Variants in ABI3BP observed in about 807,000 individuals in gnomAD.
The protein encoded by ABI3BP is target of Nesh-SH3.
In ABI3BP, 216 loss-of-function variants were observed where a neutral mutation model predicts 268.6. The observed-to-expected ratio is 0.80, with a 90% CI of 0.72 to 0.90. ABI3BP has a LOEUF of 0.90. ABI3BP is among the 40% of genes least tolerant of loss of function. ABI3BP has a pLI of 0.00. For missense variants in ABI3BP, 2,090 were observed against 2,182.4 expected, an observed-to-expected ratio of 0.96 and a Z score of 0.84; for synonymous variants, 730 against 730.0, an observed-to-expected ratio of 1.00 and a Z score of 0.00.
intron 45 of ABI3BP, 73 bp from the exon 46 acceptor site, chr3:100,812,596 A>G: frequency 1.0e-6 from 1 of 984,882 alleles, no homozygotes; most frequent in Non-Finnish European, 1.3e-6. Context: ...CTTTGCATCC[A>G]GTAAGTGTTC....
chr3:100,983,472 GT>G (rs2090525587), intron 1 of ABI3BP, among the ~76,000 whole-genome samples: 1 of 152,126 alleles, frequency 6.6e-6, no homozygotes, highest in East Asian at 1.9e-4. Flanking sequence ...GAGGTGCTTT[GT>G]TTTTCTTAAC....
At chr3:100,830,162 TATAA>T (rs2098467237) in intron 32 of ABI3BP, among the ~76,000 whole-genome samples, 2 of 89,716 alleles carry the variant, frequency 2.2e-5, no homozygotes, top group African/African-American at 4.4e-5. Context: ...TATATATATA[TATAA>T]AATGCAGATA....
intron 12 of ABI3BP, 47 bp from the exon 13 acceptor site, chr3:100,862,956 C>T (rs942968876): frequency 1.4e-6 from 2 of 1,388,972 alleles, no homozygotes; most frequent in African/African-American, 1.5e-5. Flanking sequence ...GTGAAAGTAA[C>T]AGGAAAGATT....
chr3:100,795,437 T>C (rs2097316868), intron 53 of ABI3BP, among the ~76,000 whole-genome samples: 1 of 152,090 alleles, frequency 6.6e-6, no homozygotes, highest in Non-Finnish European at 1.5e-5. Context: ...TGACCAATAT[T>C]GATAATTACT....
At chr3:100,935,819 A>G (rs2065873566) in intron 1 of ABI3BP, among the ~76,000 whole-genome samples, 1 of 152,146 alleles carries the variant, frequency 6.6e-6, no homozygotes, top group African/African-American at 2.4e-5. Context: ...ATTTTTGCAC[A>G]TTGATTTTGT....
intron 33 of ABI3BP, among the ~76,000 whole-genome samples, chr3:100,828,909 T>C (rs1169313888): frequency 6.6e-6 from 1 of 151,970 alleles, no homozygotes; most frequent in Non-Finnish European, 1.5e-5. Context: ...TGCAGATGAT[T>C]CCTACCTAAA....
At chr3:100,855,551 G>A (rs1271708373) in intron 14 of ABI3BP, among the ~76,000 whole-genome samples, 1 of 152,214 alleles carries the variant, frequency 6.6e-6, no homozygotes, top group Non-Finnish European at 1.5e-5. Context: ...TCTGCAAGAT[G>A]TCCATTACAA....
chr3:100,958,452 C>A (rs984206894), intron 1 of ABI3BP, among the ~76,000 whole-genome samples: 1 of 152,112 alleles, frequency 6.6e-6, no homozygotes, highest in Non-Finnish European at 1.5e-5. Flanking sequence ...TGATAAATAT[C>A]CTGTAATGTA....
intron 1 of ABI3BP, among the ~76,000 whole-genome samples, chr3:100,936,457 C>A (rs1160932986): frequency 1.3e-5 from 2 of 152,012 alleles, no homozygotes; most frequent in Non-Finnish European, 2.9e-5. Flanking sequence ...TGTGTCTCTG[C>A]CAGGTTTTGG....
At chr3:100,915,643 T>C (rs2058361070) in intron 2 of ABI3BP, among the ~76,000 whole-genome samples, 1 of 152,212 alleles carries the variant, frequency 6.6e-6, no homozygotes, top group Non-Finnish European at 1.5e-5. Context: ...TGTTGTCTGA[T>C]AGGACCTCAC....
At chr3:100,754,812 T>C (rs2095529461) in intron 63 of ABI3BP, 121 bp from the exon 64 acceptor site, 1 of 800,474 alleles carries the variant, frequency 1.2e-6, no homozygotes, top group Non-Finnish European at 2.1e-6. Context: ...CAGTGAATGG[T>C]AACATATGTT....
chr3:100,876,653 G>T, intron 6 of ABI3BP, 93 bp from the exon 7 acceptor site: 2 of 1,150,714 alleles, frequency 1.7e-6, no homozygotes, highest in Non-Finnish European at 2.6e-6. Flanking sequence ...GCCCTTTCTT[G>T]TCTTCAATGA....
At chr3:100,796,656 C>G (rs1053941007) in intron 51 of ABI3BP, among the ~76,000 whole-genome samples, 188 bp from the exon 52 acceptor site, 3 of 152,034 alleles carry the variant, frequency 2.0e-5, no homozygotes, top group African/African-American at 7.2e-5. Context: ...AGGGAAGGTT[C>G]TGGTGGCAGT....
chr3:100,946,904 T>A (rs1584511535), intron 1 of ABI3BP, among the ~76,000 whole-genome samples: 1 of 152,342 alleles, frequency 6.6e-6, no homozygotes, highest in East Asian at 1.9e-4. Context: ...ATACTAATTA[T>A]GTGAATATTT....
intron 3 of ABI3BP, among the ~76,000 whole-genome samples, chr3:100,899,670 G>A (rs975725525): frequency 1.3e-5 from 2 of 152,148 alleles, no homozygotes; most frequent in African/African-American, 4.8e-5. Context: ...AAAACAGGAA[G>A]AACCTCAACC....
At chr3:100,987,324 A>C (rs1044321471) in intron 1 of ABI3BP, among the ~76,000 whole-genome samples, 1 of 152,174 alleles carries the variant, frequency 6.6e-6, no homozygotes, top group Non-Finnish European at 1.5e-5. Flanking sequence ...CTTTGCTATA[A>C]TATTATATTG....
intron 3 of ABI3BP, among the ~76,000 whole-genome samples, chr3:100,899,943 G>C (rs1035411026): frequency 2.0e-4 from 30 of 152,190 alleles, no homozygotes; most frequent in African/African-American, 6.8e-4. Flanking sequence ...TGAGCCTATT[G>C]GTGGTCATCT....
At chr3:100,841,054 T>C (rs890323788) in intron 21 of ABI3BP, among the ~76,000 whole-genome samples, 196 bp from the exon 22 acceptor site, 8 of 152,096 alleles carry the variant, frequency 5.3e-5, no homozygotes, top group Non-Finnish European at 1.2e-4. Flanking sequence ...CAAAAAAATG[T>C]AGCCAGTCAG....
chr3:100,788,552 T>C (rs1166181717), intron 56 of ABI3BP, among the ~76,000 whole-genome samples: 1 of 152,082 alleles, frequency 6.6e-6, no homozygotes, highest in Non-Finnish European at 1.5e-5. Context: ...TAGCCATGAT[T>C]GTTACTACTT....
Sources: allele counts gnomAD v4.1 joint callset (sites outside exome capture counted in the v4.1 genomes callset), GRCh38; gene constraint gnomAD v4.1.1; transcripts MANE v1.5; gene names NCBI Gene and HGNC (gene_info 2026-07-23, HGNC 2026-07-21).